RALGAPA2: variants seen among roughly 807,000 people sequenced by gnomAD.
RALGAPA2 encodes the protein ral GTPase-activating protein subunit alpha-2.
In RALGAPA2, 139 loss-of-function variants were observed where a neutral mutation model predicts 230.4. That is an observed-to-expected ratio of 0.60 (90% CI 0.53 to 0.69). RALGAPA2 has a LOEUF of 0.69. Among genes scored for constraint, RALGAPA2 ranks in the 30% least tolerant of loss-of-function variants. The pLI, the probability that RALGAPA2 is intolerant of heterozygous loss-of-function variation, is 0.00. For missense variants in RALGAPA2, 2,163 were observed against 2,276.0 expected, an observed-to-expected ratio of 0.95 and a Z score of 1.01; for synonymous variants, 847 against 837.8, an observed-to-expected ratio of 1.01 and a Z score of -0.19.
intron 4 of RALGAPA2, among the ~76,000 whole-genome samples, chr20:20,652,615 C>G (rs1373271450): frequency 6.6e-6 from 1 of 152,178 alleles, no homozygotes; most frequent in Non-Finnish European, 1.5e-5. Flanking sequence ...TCCACAAATA[C>G]AATCATCTGG....
chr20:20,535,145 T>C (rs2145599878), intron 26 of RALGAPA2, among the ~76,000 whole-genome samples: 1 of 152,310 alleles, frequency 6.6e-6, no homozygotes, highest in African/African-American at 2.4e-5. Context: ...AGTAAGAGGC[T>C]GAGCTGGGCT....
chr20:20,614,296 G>T (rs1477070181), intron 13 of RALGAPA2, among the ~76,000 whole-genome samples: 1 of 152,042 alleles, frequency 6.6e-6, no homozygotes, highest in Non-Finnish European at 1.5e-5. Context: ...AAACAGAACA[G>T]AATTGCTTAA....
intron 37 of RALGAPA2, among the ~76,000 whole-genome samples, chr20:20,467,847 G>A (rs114621735): frequency 6.6e-6 from 1 of 152,022 alleles, no homozygotes; most frequent in Non-Finnish European, 1.5e-5. Flanking sequence ...TTTCTCAGAG[G>A]AATAATTTTA....
chr20:20,619,151 C>G (rs1414352548), intron 12 of RALGAPA2, 126 bp downstream of exon 12: 4 of 1,002,680 alleles, frequency 4.0e-6, no homozygotes, highest in Non-Finnish European at 5.3e-6. Context: ...TGCTGTTTAT[C>G]GTTTACTGAC....
chr20:20,501,285 A>G (rs2062368554), intron 35 of RALGAPA2, among the ~76,000 whole-genome samples: 1 of 152,268 alleles, frequency 6.6e-6, no homozygotes, highest in Non-Finnish European at 1.5e-5. Flanking sequence ...TTTTTACTAC[A>G]CTGAAAATCT....
chr20:20,501,558 T>C (rs1028782008), intron 35 of RALGAPA2, among the ~76,000 whole-genome samples: 1 of 152,244 alleles, frequency 6.6e-6, no homozygotes, highest in Non-Finnish European at 1.5e-5. Flanking sequence ...GTGGCTGGTT[T>C]GATCTGTTCA....
At chr20:20,657,288 C>T (rs144114425) in intron 3 of RALGAPA2, among the ~76,000 whole-genome samples, 155 of 152,256 alleles carry the variant, frequency 1.0e-3, no homozygotes, top group African/African-American at 3.6e-3. Flanking sequence ...CCAGAAATGG[C>T]GAGGCCCTTG....
At chr20:20,462,305 G>A (rs180968275) in intron 37 of RALGAPA2, among the ~76,000 whole-genome samples, 61 of 152,314 alleles carry the variant, frequency 4.0e-4, no homozygotes, top group African/African-American at 1.2e-3. Context: ...TACTAGAAAC[G>A]AAAGCAGCTG....
intron 38 of RALGAPA2, among the ~76,000 whole-genome samples, chr20:20,397,995 G>A (rs2059753966): frequency 6.6e-6 from 1 of 152,142 alleles, no homozygotes; most frequent in Non-Finnish European, 1.5e-5. Context: ...CTGACTGTTG[G>A]TCATGGGCTA....
At chr20:20,494,700 C>T (rs2062154003) in intron 36 of RALGAPA2, among the ~76,000 whole-genome samples, 1 of 152,204 alleles carries the variant, frequency 6.6e-6, no homozygotes, top group Non-Finnish European at 1.5e-5. Flanking sequence ...TTGGCAAGTG[C>T]CCGACACCAG....
At chr20:20,471,686 C>T (rs763938972) in intron 37 of RALGAPA2, 13 of 152,270 alleles carry the variant, frequency 8.5e-5, no homozygotes, top group South Asian at 8.3e-4. Flanking sequence ...GGACAAAGCA[C>T]GAGAGAGTAC....
intron 31 of RALGAPA2, among the ~76,000 whole-genome samples, chr20:20,518,872 CAT>C (rs1486413300): frequency 6.6e-6 from 1 of 152,016 alleles, no homozygotes; most frequent in African/African-American, 2.4e-5. Flanking sequence ...TATTATAAGA[CAT>C]ATGAACTTAC....
chr20:20,520,632 G>C (rs1482275842), intron 31 of RALGAPA2, among the ~76,000 whole-genome samples: 1 of 152,190 alleles, frequency 6.6e-6, no homozygotes, highest in Admixed American at 6.5e-5. Flanking sequence ...TTTTCCATTA[G>C]ATGTAAAGCT....
intron 23 of RALGAPA2, among the ~76,000 whole-genome samples, chr20:20,549,803 G>C (rs2063874514): frequency 6.6e-6 from 1 of 152,050 alleles, no homozygotes; most frequent in Non-Finnish European, 1.5e-5. Flanking sequence ...AGCTATAACA[G>C]AAGTCTTTGA....
At chr20:20,671,265 C>T (rs773073242) in intron 3 of RALGAPA2, among the ~76,000 whole-genome samples, 5 of 152,238 alleles carry the variant, frequency 3.3e-5, no homozygotes, top group Non-Finnish European at 7.3e-5. Flanking sequence ...ACAAGGCAGA[C>T]AGCAGCTCTC....
At chr20:20,497,479 A>G (rs780375480) in intron 35 of RALGAPA2, among the ~76,000 whole-genome samples, 3 of 152,186 alleles carry the variant, frequency 2.0e-5, no homozygotes, top group Non-Finnish European at 2.9e-5. Flanking sequence ...GTCCCTTGGT[A>G]TAATGCTTGC....
At chr20:20,460,637 C>A (rs1002990499) in intron 37 of RALGAPA2, among the ~76,000 whole-genome samples, 3 of 152,168 alleles carry the variant, frequency 2.0e-5, no homozygotes, top group African/African-American at 7.2e-5. Flanking sequence ...CTTTATGTTT[C>A]CCCTAAATTA....
intron 4 of RALGAPA2, among the ~76,000 whole-genome samples, chr20:20,648,836 G>A (rs1031681888): frequency 6.6e-6 from 1 of 152,114 alleles, no homozygotes; most frequent in Non-Finnish European, 1.5e-5. Flanking sequence ...GGTGGCTGAT[G>A]TCTAGAATTG....
intron 1 of RALGAPA2, among the ~76,000 whole-genome samples, chr20:20,707,633 CTA>C (rs1603260278): frequency 6.6e-6 from 1 of 152,106 alleles, no homozygotes; most frequent in Non-Finnish European, 1.5e-5. Flanking sequence ...TACGACAATG[CTA>C]TGTTTTGCTC....
Sources: gnomAD v4.1 joint callset for allele counts (sites outside exome capture counted in the v4.1 genomes callset) on GRCh38, gnomAD v4.1.1 for gene constraint, MANE v1.5 for transcripts, NCBI Gene and HGNC (gene_info 2026-07-23, HGNC 2026-07-21) for gene names.